PTPRD: variants seen among roughly 807,000 people sequenced by gnomAD.
PTPRD encodes protein tyrosine phosphatase receptor type D.
In PTPRD, 34 loss-of-function variants were observed where a neutral mutation model predicts 214.5. The ratio of observed to expected loss-of-function variants is 0.16; its 90% CI spans 0.12 to 0.21. The LOEUF (loss-of-function observed/expected upper bound fraction) is 0.21. Among genes scored for constraint, PTPRD ranks in the 10% least tolerant of loss-of-function variants. PTPRD has a pLI of 1.00. For missense variants in PTPRD, 2,545 were observed against 2,398.7 expected (o/e 1.06, Z -1.27); for synonymous variants, 1,128 against 845.7 (o/e 1.33, Z -5.79).
chr9:9,415,636 G>A (rs867071061), intron 8 of PTPRD, among the ~76,000 whole-genome samples: 3 of 152,008 alleles, frequency 2.0e-5, no homozygotes, highest in African/African-American at 7.3e-5. Context: ...TACCTAACCT[G>A]TACAAAAAGC....
intron 3 of PTPRD, among the ~76,000 whole-genome samples, chr9:10,044,011 C>G (rs938738347): frequency 1.3e-5 from 2 of 151,616 alleles, no homozygotes; most frequent in African/African-American, 4.8e-5. Flanking sequence ...ATATTTAGAG[C>G]CTTCAAGTTC....
chr9:9,043,409 A>G (rs775485740), intron 10 of PTPRD, among the ~76,000 whole-genome samples: 52 of 152,258 alleles, frequency 3.4e-4, no homozygotes, highest in Non-Finnish European at 4.4e-4. Flanking sequence ...ACAGGGTTCA[A>G]TATTTGTCTA....
chr9:8,922,658 G>C (rs2098835524), intron 11 of PTPRD, among the ~76,000 whole-genome samples: 1 of 152,000 alleles, frequency 6.6e-6, no homozygotes. Flanking sequence ...TTTTGAGACA[G>C]AGTCTCGCTC....
chr9:10,589,544 G>C (rs1193248150), intron 2 of PTPRD, among the ~76,000 whole-genome samples: 10 of 152,020 alleles, frequency 6.6e-5, no homozygotes, highest in African/African-American at 2.2e-4. Context: ...AAAAGAAAAA[G>C]TAAAGGGGGA....
chr9:10,499,784 A>T (rs1347362822), intron 2 of PTPRD, among the ~76,000 whole-genome samples: 1 of 151,850 alleles, frequency 6.6e-6, no homozygotes, highest in Non-Finnish European at 1.5e-5. Context: ...TTATTTTTCC[A>T]CTATCCAAAA....
chr9:8,833,889 A>C (rs1236485151), intron 11 of PTPRD, among the ~76,000 whole-genome samples: 1 of 152,040 alleles, frequency 6.6e-6, no homozygotes, highest in Admixed American at 6.6e-5. Context: ...ACCATTTACA[A>C]AAATTAACCA....
intron 3 of PTPRD, among the ~76,000 whole-genome samples, chr9:10,259,390 T>C (rs2093543289): frequency 6.6e-6 from 1 of 152,166 alleles, no homozygotes. Context: ...GGTCATCATT[T>C]GATTGCTGAC....
Position 10,560,158 on chromosome 9 carries a change from C to CA in PTPRD, c.-600+52239dup, listed in dbSNP as rs575413099. ...CAATAGCAAAGACATGGAACCAACC[C>CA]AAATGTCCATCAATGATAGAATGGA... On this transcript the variant is annotated intron_variant, in intron 2 of 45. Coordinates refer to ENST00000381196, the MANE Select transcript of PTPRD (RefSeq NM_002839.4). Among the ~76,000 whole-genome samples, 244 of 152,158 alleles carry CA rather than the reference C, an allele frequency of 1.6e-3. 2 individuals carry two copies. Among genetic ancestry groups the CA allele is most frequent in the African/African-American group, 5.6e-3 (233 of 41,514 alleles).
At chr9:8,603,329 A>T (rs2094985138) in intron 14 of PTPRD, among the ~76,000 whole-genome samples, 1 of 152,138 alleles carries the variant, frequency 6.6e-6, no homozygotes, top group Non-Finnish European at 1.5e-5. Flanking sequence ...AAAAAATCTA[A>T]GTTTTCTTAA....
At chr9:9,793,527 T>C (rs182457183) in intron 5 of PTPRD, among the ~76,000 whole-genome samples, 3 of 152,152 alleles carry the variant, frequency 2.0e-5, no homozygotes, top group Non-Finnish European at 4.4e-5. Flanking sequence ...TCTGTCAACA[T>C]GTGTTTCCTA....
At chr9:8,799,792 A>T (rs2096534611) in intron 11 of PTPRD, among the ~76,000 whole-genome samples, 1 of 152,090 alleles carries the variant, frequency 6.6e-6, no homozygotes, top group Non-Finnish European at 1.5e-5. Flanking sequence ...AATGCTCCAG[A>T]GAAATCCTCC....
At chr9:10,361,135 T>C (rs1388936822) in intron 2 of PTPRD, among the ~76,000 whole-genome samples, 2 of 152,082 alleles carry the variant, frequency 1.3e-5, no homozygotes, top group African/African-American at 2.4e-5. Context: ...AAAATTGTCA[T>C]TAAGACCCCT....
chr9:9,882,950 T>G (rs10120185), intron 5 of PTPRD, among the ~76,000 whole-genome samples: 12,940 of 152,130 alleles, frequency 0.085, 1,320 homozygotes, highest in African/African-American at 0.25. Flanking sequence ...CTTCTCTCTT[T>G]CTCCCTCACT....
At chr9:10,222,243 T>C (rs181027903) in intron 3 of PTPRD, among the ~76,000 whole-genome samples, 30 of 152,246 alleles carry the variant, frequency 2.0e-4, no homozygotes, top group Non-Finnish European at 3.4e-4. Context: ...TCATATTTCA[T>C]GCAAGAATAG....
At chr9:8,349,502 T>G (rs2074829790) in intron 39 of PTPRD, among the ~76,000 whole-genome samples, 1 of 152,172 alleles carries the variant, frequency 6.6e-6, no homozygotes, top group Non-Finnish European at 1.5e-5. Context: ...TCCATTGCAG[T>G]GATAATGACG....
At chr9:10,413,662 G>T (rs2098459285) in intron 2 of PTPRD, among the ~76,000 whole-genome samples, 1 of 151,916 alleles carries the variant, frequency 6.6e-6, no homozygotes, top group African/African-American at 2.4e-5. Flanking sequence ...GCAATCTCGA[G>T]CAAAAAGAAC....
At position 9,773,022 on chromosome 9, in the gene PTPRD, T is replaced by G. The variant is rs550906999; in HGVS notation, c.-367-6171A>C. On this transcript the variant is annotated intron_variant, in intron 5 of 45. Transcript: ENST00000381196. ...GAATAAACAAACTGTAGTATTCCCA[T>G]AGCACATAGGAAATATTGTGCTTTT... is the stretch of plus-strand genomic sequence containing the variant. 1.2e-4 allele frequency among the ~76,000 whole-genome samples: 19 copies of G among 152,320 alleles called. No homozygotes were observed. The South Asian group carries it at 3.9e-3, about 32-fold the overall frequency.
At chr9:10,012,701 C>G (rs1289004698) in intron 4 of PTPRD, among the ~76,000 whole-genome samples, 2 of 151,882 alleles carry the variant, frequency 1.3e-5, no homozygotes, top group East Asian at 1.9e-4. Context: ...CACAAGAACA[C>G]TGCAATGCTC....
rs1344738330 is a variant in PTPRD at position 8,316,818 on chromosome 9, A to C, written c.*1056T>G. ...CCCTTTAAAGAAATACCAATATGTC[A>C]AAAAATTAAGAATAAATGGAAAGAG... On this transcript the variant is annotated 3_prime_UTR_variant, in exon 46 of 46. Transcript: ENST00000381196. 4.3e-6 allele frequency: 1 copy of C among 231,218 alleles called. No homozygotes were observed. Among genetic ancestry groups the C allele is most frequent in the Non-Finnish European group, 8.6e-6 (1 of 116,554 alleles). 14.3% of individuals were successfully genotyped at this position (231,218 alleles called of 1,614,324 possible). A position where few individuals can be genotyped will look rare whatever the true frequency, so the allele number is the denominator to read the frequency against.
Sources: gnomAD v4.1 joint callset for allele counts (sites outside exome capture counted in the v4.1 genomes callset) on GRCh38, gnomAD v4.1.1 for gene constraint, MANE v1.5 for transcripts, NCBI Gene and HGNC (gene_info 2026-07-23, HGNC 2026-07-21) for gene names.